Variants in HS3ST3A1 observed in about 807,000 individuals in gnomAD.
HS3ST3A1 encodes the protein heparan sulfate-glucosamine 3-sulfotransferase 3A1.
HS3ST3A1 carries 19 observed loss-of-function variants against 25.7 expected under a neutral mutation model. That is an observed-to-expected ratio of 0.74 (90% CI 0.52 to 1.08). The LOEUF (loss-of-function observed/expected upper bound fraction) is 1.08, where lower values mean the gene tolerates loss of function less well. Ranked by LOEUF, HS3ST3A1 falls within the 50% of genes least tolerant of loss-of-function variation. The pLI is 0.00. For missense variants in HS3ST3A1, 459 were observed against 594.3 expected (o/e 0.77, Z 2.37); for synonymous variants, 226 against 278.6 (o/e 0.81, Z 1.88).
At chr17:13,584,096 A>C (rs1244807628) in intron 1 of HS3ST3A1, among the ~76,000 whole-genome samples, 2 of 152,234 alleles carry the variant, frequency 1.3e-5, no homozygotes, top group East Asian at 3.8e-4. Context: ...TGATGGAAGA[A>C]TAGCCAATGG....
At chr17:13,511,476 G>A (rs139576547) in intron 1 of HS3ST3A1, among the ~76,000 whole-genome samples, 106 of 152,156 alleles carry the variant, frequency 7.0e-4, no homozygotes, top group African/African-American at 2.4e-3. Context: ...GCCTCTTGAA[G>A]TAAAAGTATC....
rs188232643 is a variant in HS3ST3A1, at chr17:13,556,273, C to T, written c.599+44258G>A. The stretch of plus-strand genomic sequence containing the variant: ...CTGTAATCCCAGCACTTTGGGAGGC[C>T]GGGGCGGGCAGATCACGAGGTCAGG... On this transcript the variant is annotated intron_variant, in intron 1 of 1. Transcript: ENST00000284110. Among the ~76,000 whole-genome samples, 80 of 152,082 alleles carry T rather than the reference C, an allele frequency of 5.3e-4. No homozygotes were observed. In the East Asian group the frequency reaches 0.013, roughly 24 times the overall value.
intron 1 of HS3ST3A1, among the ~76,000 whole-genome samples, chr17:13,569,679 C>A (rs1048605581): frequency 2.0e-5 from 3 of 152,188 alleles, no homozygotes; most frequent in Admixed American, 2.0e-4. Context: ...TTACAACTAT[C>A]AACTTCTGAA....
In HS3ST3A1 at chr17:13,520,684, G is replaced by A. The variant is rs960320478; in HGVS notation, c.600-23866C>T. Among the ~76,000 whole-genome samples, 8 of 151,136 alleles carry A rather than the reference G, an allele frequency of 5.3e-5. No homozygotes were observed. The South Asian group carries it at 6.3e-4, about 12-fold the overall frequency. ...GGCTGGAGTGCAATGGCACAATCTC[G>A]ACTCACTGCAACCTCCACCTCCTGG... On this transcript the variant is annotated intron_variant, in intron 1 of 1. Transcript: ENST00000284110.
chr17:13,595,653 C>A (rs11868793), intron 1 of HS3ST3A1, among the ~76,000 whole-genome samples: 19,953 of 152,170 alleles, frequency 0.13, 2,745 homozygotes, highest in African/African-American at 0.35. Flanking sequence ...TTGGAGTTTA[C>A]TATCATTAGG....
chr17:13,538,242 C>G (rs1405190372), intron 1 of HS3ST3A1, among the ~76,000 whole-genome samples: 1 of 152,148 alleles, frequency 6.6e-6, no homozygotes, highest in Non-Finnish European at 1.5e-5. Flanking sequence ...TTTGTGTTTA[C>G]AGATGGTTAT....
At chr17:13,560,289 C>CACAAA (rs570211129) in intron 1 of HS3ST3A1, among the ~76,000 whole-genome samples, 2 of 17,378 alleles carry the variant, frequency 1.2e-4, no homozygotes, top group African/African-American at 3.4e-4. Flanking sequence ...CACTCGTCTC[C>CACAAA]AAAAAAAAAA....
chr17:13,547,216 T>TA (rs1275479214), intron 1 of HS3ST3A1, among the ~76,000 whole-genome samples: 2 of 152,006 alleles, frequency 1.3e-5, no homozygotes, highest in Non-Finnish European at 2.9e-5. Flanking sequence ...CTGTGATCAT[T>TA]AAAAAAAATT....
At chr17:13,550,502 T>C (rs539564924) in intron 1 of HS3ST3A1, among the ~76,000 whole-genome samples, 2 of 152,264 alleles carry the variant, frequency 1.3e-5, no homozygotes, top group African/African-American at 2.4e-5. Context: ...CTTAGAAGCA[T>C]GTGCTGTGTG....
chr17:13,518,413 A>C (rs1906122178), intron 1 of HS3ST3A1, among the ~76,000 whole-genome samples: 2 of 152,228 alleles, frequency 1.3e-5, no homozygotes, highest in East Asian at 3.8e-4. Flanking sequence ...TAAAACAATA[A>C]GATACTATCT....
At position 13,526,656 on chromosome 17, in the gene HS3ST3A1, T is replaced by A. The variant is rs572097673; in HGVS notation, c.600-29838A>T. 4.5e-4 allele frequency among the ~76,000 whole-genome samples: 68 copies of A among 151,652 alleles called. 1 individual carries two copies. In the East Asian group the frequency reaches 0.012, roughly 27 times the overall value. ...TTTCTTTTTATTTTATTTTATTTTT[T>A]ATTTTTTTAAGACAGAGTTTCGCTC... On this transcript the variant is annotated intron_variant, in intron 1 of 1. Coordinates refer to ENST00000284110, the MANE Select transcript of HS3ST3A1 (RefSeq NM_006042.3).
chr17:13,551,551 C>T (rs979268778), intron 1 of HS3ST3A1, among the ~76,000 whole-genome samples: 1 of 149,856 alleles, frequency 6.7e-6, no homozygotes, highest in Non-Finnish European at 1.5e-5. Context: ...TCAAAACTGC[C>T]CAGCCAGAGT....
intron 1 of HS3ST3A1, among the ~76,000 whole-genome samples, chr17:13,545,359 C>A (rs947725652): frequency 1.3e-5 from 2 of 152,224 alleles, no homozygotes; most frequent in Admixed American, 6.5e-5. Context: ...ACTCTTCCCC[C>A]AGTAACTCCT....
At chr17:13,567,975 A>AGG (rs1907715278) in intron 1 of HS3ST3A1, among the ~76,000 whole-genome samples, 1 of 152,218 alleles carries the variant, frequency 6.6e-6, no homozygotes, top group Non-Finnish European at 1.5e-5. Flanking sequence ...CTGGAGGTAA[A>AGG]ATGCTATCAA....
At chr17:13,557,467 C>CAAA (rs1199544816) in intron 1 of HS3ST3A1, among the ~76,000 whole-genome samples, 3 of 143,878 alleles carry the variant, frequency 2.1e-5, no homozygotes, top group South Asian at 2.1e-4. Flanking sequence ...ACAACAACAA[C>CAAA]AAAAAAACCC....
At chr17:13,596,886 C>A (rs1370248944) in intron 1 of HS3ST3A1, among the ~76,000 whole-genome samples, 1 of 152,094 alleles carries the variant, frequency 6.6e-6, no homozygotes, top group African/African-American at 2.4e-5. Context: ...ATCGAAAGGG[C>A]CTCTGCTCAG....
Position 13,496,092 on chromosome 17 carries a change from A to C in HS3ST3A1, c.*105T>G. The C allele has an allele frequency of 7.6e-7, 1 of 1,308,286 alleles. No individual in the cohort carries two copies. Among genetic ancestry groups the C allele is most frequent in the South Asian group, 1.8e-5 (1 of 55,034 alleles). 81.0% of individuals were successfully genotyped at this position (1,308,286 alleles called of 1,614,324 possible). On this transcript the variant is annotated 3_prime_UTR_variant, in exon 2 of 2. Coordinates refer to ENST00000284110, the MANE Select transcript of HS3ST3A1 (RefSeq NM_006042.3). Reference sequence around the variant, plus strand: ...AATCTCTTAACATTCATTGAAAAAAATACTGAAACATATTTTCAGCACAAA... The same window carrying C: ...AATCTCTTAACATTCATTGAAAAAACTACTGAAACATATTTTCAGCACAAA...
chr17:13,535,477 T>C (rs891610707), intron 1 of HS3ST3A1, among the ~76,000 whole-genome samples: 1 of 152,164 alleles, frequency 6.6e-6, no homozygotes, highest in Admixed American at 6.5e-5. Flanking sequence ...GTTGTTTCAT[T>C]CAACCTCAGC....
At position 13,594,422 on chromosome 17, in the gene HS3ST3A1, G is replaced by A. The variant is rs572905777; in HGVS notation, c.599+6109C>T. 3.9e-5 allele frequency among the ~76,000 whole-genome samples: 6 copies of A among 152,266 alleles called. No homozygotes were observed. In the South Asian group the frequency reaches 1.2e-3, roughly 32 times the overall value. On this transcript the variant is annotated intron_variant, in intron 1 of 1. Transcript: ENST00000284110. ...AAGCTGTCCCGTGTGTGGTGGACAG[G>A]ATTCTCAACAGGGCATCTCAGGCAC...
Sources: allele counts gnomAD v4.1 joint callset (sites outside exome capture counted in the v4.1 genomes callset), GRCh38; gene constraint gnomAD v4.1.1; transcripts MANE v1.5; gene names NCBI Gene and HGNC (gene_info 2026-07-23, HGNC 2026-07-21).